The following HS3ST4 variants were observed in gnomAD, a reference collection of about 807,000 sequenced individuals.
HS3ST4 encodes the protein heparan sulfate-glucosamine 3-sulfotransferase 4, also known as heparan sulfate glucosamine 3-O-sulfotransferase 4.
HS3ST4 carries 17 observed loss-of-function variants against 29.2 expected under a neutral mutation model. The observed-to-expected ratio is 0.58, with a 90% CI of 0.40 to 0.87. The LOEUF (loss-of-function observed/expected upper bound fraction) is 0.87. HS3ST4 is among the 40% of genes least tolerant of loss of function. HS3ST4 has a pLI of 0.00. For missense variants in HS3ST4, 627 were observed against 634.5 expected (o/e 0.99, Z 0.13); for synonymous variants, 314 against 285.7 (o/e 1.10, Z -1.00).
At chr16:25,805,722 T>C (rs551677661) in intron 1 of HS3ST4, among the ~76,000 whole-genome samples, 1 of 152,352 alleles carries the variant, frequency 6.6e-6, no homozygotes, top group Non-Finnish European at 1.5e-5. Flanking sequence ...TAATTTTAAG[T>C]TCTGGGGTAC....
intron 1 of HS3ST4, among the ~76,000 whole-genome samples, chr16:26,049,295 A>AT (rs1555480765): frequency 7.3e-5 from 11 of 150,420 alleles, no homozygotes; most frequent in African/African-American, 2.7e-4. Flanking sequence ...AGGCAAGGTG[A>AT]GGGGGGAGGA....
At chr16:25,895,141 ATGTGTGTGTG>A (rs61699119) in intron 1 of HS3ST4, among the ~76,000 whole-genome samples, 1 of 148,700 alleles carries the variant, frequency 6.7e-6, no homozygotes, top group Non-Finnish European at 1.5e-5. Context: ...GTGAGGCAGG[ATGTGTGTGTG>A]TGTGTGTGTG....
chr16:26,042,024 C>T (rs970483886), intron 1 of HS3ST4, among the ~76,000 whole-genome samples: 1 of 152,180 alleles, frequency 6.6e-6, no homozygotes, highest in Non-Finnish European at 1.5e-5. Flanking sequence ...CACTGATCTA[C>T]TGATGCATAA....
At chr16:26,093,527 G>A (rs1263973841) in intron 1 of HS3ST4, among the ~76,000 whole-genome samples, 1 of 152,192 alleles carries the variant, frequency 6.6e-6, no homozygotes, top group African/African-American at 2.4e-5. Context: ...GAACCTGACT[G>A]TTAGAAGGAA....
intron 1 of HS3ST4, among the ~76,000 whole-genome samples, chr16:26,105,276 A>G (rs1338148122): frequency 6.6e-6 from 1 of 152,218 alleles, no homozygotes; most frequent in Non-Finnish European, 1.5e-5. Context: ...GTTCTCATTT[A>G]TAAGTGGGAG....
intron 1 of HS3ST4, among the ~76,000 whole-genome samples, chr16:25,720,479 C>A (rs1966485292): frequency 6.6e-6 from 1 of 152,132 alleles, no homozygotes; most frequent in South Asian, 2.1e-4. Flanking sequence ...TACCGTAGGA[C>A]CCCAAGTTTG....
intron 1 of HS3ST4, among the ~76,000 whole-genome samples, chr16:26,038,579 C>T (rs1969605743): frequency 6.6e-6 from 1 of 152,082 alleles, no homozygotes; most frequent in African/African-American, 2.4e-5. Flanking sequence ...ACCCCTGAGC[C>T]TCTGCTCATG....
At chr16:25,697,610 TA>T (rs1966307052) in intron 1 of HS3ST4, among the ~76,000 whole-genome samples, 1 of 152,374 alleles carries the variant, frequency 6.6e-6, no homozygotes, top group South Asian at 2.1e-4. Flanking sequence ...TAGTGCTTTG[TA>T]AACTTTAGGA....
At chr16:25,930,089 G>A (rs1480697677) in intron 1 of HS3ST4, among the ~76,000 whole-genome samples, 1 of 152,226 alleles carries the variant, frequency 6.6e-6, no homozygotes, top group East Asian at 1.9e-4. Flanking sequence ...GTTTGCTGAG[G>A]ATAATGGCCT....
At chr16:25,934,719 C>G (rs543798856) in intron 1 of HS3ST4, among the ~76,000 whole-genome samples, 1 of 152,150 alleles carries the variant, frequency 6.6e-6, no homozygotes, top group Non-Finnish European at 1.5e-5. Flanking sequence ...CCATGCTGAG[C>G]CTCTGCTGGT....
At chr16:25,875,592 T>A (rs1000041594) in intron 1 of HS3ST4, among the ~76,000 whole-genome samples, 2 of 152,148 alleles carry the variant, frequency 1.3e-5, no homozygotes, top group East Asian at 3.8e-4. Flanking sequence ...CCCCTTGATA[T>A]CTGTCACACC....
At chr16:25,860,459 A>G (rs540441615) in intron 1 of HS3ST4, among the ~76,000 whole-genome samples, 2 of 152,314 alleles carry the variant, frequency 1.3e-5, no homozygotes, top group South Asian at 2.1e-4. Context: ...AGCAACCAGT[A>G]TGCCCTTCAG....
intron 1 of HS3ST4, among the ~76,000 whole-genome samples, chr16:26,006,026 T>C (rs1486549956): frequency 6.6e-6 from 1 of 152,126 alleles, no homozygotes; most frequent in Non-Finnish European, 1.5e-5. Context: ...TGGCCGGGCA[T>C]GGTGGCTCAC....
At chr16:26,111,733 T>G (rs530556876) in intron 1 of HS3ST4, among the ~76,000 whole-genome samples, 1 of 152,314 alleles carries the variant, frequency 6.6e-6, no homozygotes, top group South Asian at 2.1e-4. Context: ...AAAATTATCT[T>G]TTGGGTCAGG....
intron 1 of HS3ST4, among the ~76,000 whole-genome samples, chr16:25,981,871 A>G (rs1485318704): frequency 6.6e-6 from 1 of 152,208 alleles, no homozygotes; most frequent in Non-Finnish European, 1.5e-5. Flanking sequence ...TTCAGATCAC[A>G]AATGGAACAC....
intron 1 of HS3ST4, among the ~76,000 whole-genome samples, chr16:25,703,031 T>A (rs540540137): frequency 6.6e-6 from 1 of 152,102 alleles, no homozygotes; most frequent in African/African-American, 2.4e-5. Context: ...TGGTGATGCG[T>A]GCCTGTAATC....
chr16:26,096,107 C>A (rs1264139691), intron 1 of HS3ST4, among the ~76,000 whole-genome samples: 2 of 151,990 alleles, frequency 1.3e-5, no homozygotes, highest in East Asian at 3.9e-4. Context: ...TAATTAATAG[C>A]TTACCAACCA....
chr16:26,131,617 A>G (rs542861230), intron 1 of HS3ST4, among the ~76,000 whole-genome samples: 10 of 152,234 alleles, frequency 6.6e-5, no homozygotes, highest in Non-Finnish European at 1.5e-4. Flanking sequence ...GAAGAGAATA[A>G]GATCCAAAGC....
chr16:25,732,324 T>A (rs932139877), intron 1 of HS3ST4, among the ~76,000 whole-genome samples: 1 of 152,198 alleles, frequency 6.6e-6, no homozygotes, highest in Non-Finnish European at 1.5e-5. Flanking sequence ...CTTTTTACAT[T>A]GTAGGAATTA....
Sources: allele counts gnomAD v4.1 joint callset (sites outside exome capture counted in the v4.1 genomes callset), GRCh38; gene constraint gnomAD v4.1.1; transcripts MANE v1.5; gene names NCBI Gene and HGNC (gene_info 2026-07-23, HGNC 2026-07-21).